Variants in BTBD9 observed in about 807,000 individuals in gnomAD.
BTBD9 encodes BTB/POZ domain-containing protein 9.
Under a neutral mutation model 64.3 loss-of-function variants are expected in BTBD9, and 49 were observed. The observed-to-expected ratio is 0.76, with a 90% CI of 0.61 to 0.97. BTBD9 has a LOEUF of 0.97. BTBD9 is among the 50% of genes least tolerant of loss of function. The pLI is 0.00. For synonymous variants in BTBD9, 260 were observed against 274.7 expected (o/e 0.95, Z 0.53); for missense variants, 598 against 762.1 (o/e 0.78, Z 2.53).
intron 7 of BTBD9, among the ~76,000 whole-genome samples, chr6:38,337,866 T>G (rs935212433): frequency 1.3e-5 from 2 of 152,196 alleles, no homozygotes; most frequent in African/African-American, 2.4e-5. Context: ...TTTTTTGTTC[T>G]GCCAACAGAA....
intron 9 of BTBD9, among the ~76,000 whole-genome samples, chr6:38,222,259 T>TTTG (rs1763226646): frequency 8.4e-6 from 1 of 118,960 alleles, no homozygotes; most frequent in Non-Finnish European, 1.8e-5. Flanking sequence ...ATTCAGTTGT[T>TTTG]TTTTTTTTTT....
chr6:38,314,953 T>C (rs1355648942), intron 7 of BTBD9, among the ~76,000 whole-genome samples: 1 of 152,058 alleles, frequency 6.6e-6, no homozygotes, highest in Non-Finnish European at 1.5e-5. Flanking sequence ...GGGTTCACGC[T>C]ATTCTCCTGC....
intron 9 of BTBD9, among the ~76,000 whole-genome samples, chr6:38,200,930 G>T (rs1382753914): frequency 2.0e-5 from 3 of 152,134 alleles, no homozygotes; most frequent in African/African-American, 4.8e-5. Context: ...TGAGGCAGGA[G>T]AACTGCTTGA....
intron 8 of BTBD9, among the ~76,000 whole-genome samples, chr6:38,274,403 C>T (rs1363824102): frequency 6.6e-6 from 1 of 152,072 alleles, no homozygotes; most frequent in Non-Finnish European, 1.5e-5. Context: ...CTGGCCAGAA[C>T]TTCCAACACT....
chr6:38,569,652 A>C (rs1016775960), intron 6 of BTBD9, among the ~76,000 whole-genome samples: 1 of 152,184 alleles, frequency 6.6e-6, no homozygotes, highest in African/African-American at 2.4e-5. Flanking sequence ...CTGTTTTCTC[A>C]CACAAAAGAA....
intron 6 of BTBD9, among the ~76,000 whole-genome samples, chr6:38,566,559 A>G (rs1775524973): frequency 6.6e-6 from 1 of 152,204 alleles, no homozygotes; most frequent in Non-Finnish European, 1.5e-5. Flanking sequence ...AAAGAAAACA[A>G]TATGTTTATA....
At chr6:38,404,510 A>C (rs983827353) in intron 6 of BTBD9, among the ~76,000 whole-genome samples, 1 of 151,880 alleles carries the variant, frequency 6.6e-6, no homozygotes, top group Non-Finnish European at 1.5e-5. Flanking sequence ...TAGAAGAATC[A>C]CACATTTGAA....
At chr6:38,582,764 C>G (rs1304285370) in intron 4 of BTBD9, among the ~76,000 whole-genome samples, 1 of 152,184 alleles carries the variant, frequency 6.6e-6, no homozygotes, top group Admixed American at 6.5e-5. Flanking sequence ...CTCTCTGAAT[C>G]TGCTTTCTCA....
chr6:38,463,052 TC>T lies in BTBD9; in HGVS notation c.1154+114547del, dbSNP rs1365134359. Among the ~76,000 whole-genome samples the T allele has an allele frequency of 3.3e-5, 5 of 152,332 alleles. No individual in the cohort carries two copies. In the East Asian group the frequency reaches 9.6e-4, roughly 29 times the overall value. ...CTCAAGTGATCTGCCTGCTGCAGCC[TC>T]CCAAAGTGCTGGGATTACAGGCATG... On this transcript the variant is annotated intron_variant, in intron 6 of 10. Coordinates refer to ENST00000481247, the MANE Select transcript of BTBD9 (RefSeq NM_001099272.2).
chr6:38,553,817 C>T (rs1284727286), intron 6 of BTBD9, among the ~76,000 whole-genome samples: 2 of 151,574 alleles, frequency 1.3e-5, no homozygotes, highest in Non-Finnish European at 2.9e-5. Flanking sequence ...CATGCCACTG[C>T]ACTCCAGTCT....
intron 9 of BTBD9, among the ~76,000 whole-genome samples, chr6:38,220,509 C>A (rs1434711740): frequency 6.6e-6 from 1 of 152,184 alleles, no homozygotes; most frequent in Non-Finnish European, 1.5e-5. Context: ...CAACAGGGAT[C>A]TTTTACTCAA....
chr6:38,597,226 AT>A (rs1777073487), intron 2 of BTBD9, among the ~76,000 whole-genome samples: 1 of 152,220 alleles, frequency 6.6e-6, no homozygotes, highest in Non-Finnish European at 1.5e-5. Context: ...ATTTTCTCTA[AT>A]CCAATGGAAT....
chr6:38,422,626 T>C (rs910478688), intron 6 of BTBD9, among the ~76,000 whole-genome samples: 28 of 152,124 alleles, frequency 1.8e-4, no homozygotes, highest in Admixed American at 2.6e-4. Flanking sequence ...AGAACAGGGA[T>C]CTAACATTCT....
chr6:38,578,585 C>T (rs1270504461), intron 5 of BTBD9, among the ~76,000 whole-genome samples: 1 of 152,180 alleles, frequency 6.6e-6, no homozygotes, highest in Non-Finnish European at 1.5e-5. Flanking sequence ...TGTGTCATCC[C>T]CTCACTTTCT....
intron 6 of BTBD9, among the ~76,000 whole-genome samples, chr6:38,439,269 G>T (rs1190168397): frequency 6.8e-6 from 1 of 147,892 alleles, no homozygotes. Context: ...GATTACAGGC[G>T]TGTACCACCA....
chr6:38,176,068 G>A (rs1452079821), intron 10 of BTBD9, among the ~76,000 whole-genome samples: 4 of 152,214 alleles, frequency 2.6e-5, no homozygotes, highest in Admixed American at 6.5e-5. Flanking sequence ...TCAGCGCCCC[G>A]CAAGCAAGGG....
rs1364707842 is a variant in BTBD9, at chr6:38,243,067, CTT to C, written c.1562+13340_1562+13341del. On this transcript the variant is annotated intron_variant, in intron 9 of 10. Coordinates refer to ENST00000481247, the MANE Select transcript of BTBD9 (RefSeq NM_001099272.2). The stretch of plus-strand genomic sequence containing the variant: ...GAAGGGAACACTGAATAGGTGGAGA[CTT>C]GAAGATCAGCCAGAGCAAATAAAAA... Among the ~76,000 whole-genome samples, 5 of 151,340 alleles carry C rather than the reference CTT, an allele frequency of 3.3e-5. No homozygotes were observed. In the East Asian group the frequency reaches 9.6e-4, roughly 29 times the overall value.
intron 1 of BTBD9, among the ~76,000 whole-genome samples, chr6:38,633,602 G>A (rs1778432003): frequency 6.6e-6 from 1 of 152,196 alleles, no homozygotes; most frequent in Non-Finnish European, 1.5e-5. Flanking sequence ...GGAGGTTAAT[G>A]TGGACTTATG....
rs1582481245 is a variant in BTBD9, at chr6:38,469,490, T to C, written c.1154+108110A>G. ...ACATGCCACCACGCCTGGCTAATTT[T>C]TTTGTATTTTTAGTAAAGACGGGAT... On this transcript the variant is annotated intron_variant, in intron 6 of 10. Coordinates refer to ENST00000481247, the MANE Select transcript of BTBD9 (RefSeq NM_001099272.2). Among the ~76,000 whole-genome samples, 4 of 152,154 alleles carry C rather than the reference T, an allele frequency of 2.6e-5. No homozygotes were observed. In the South Asian group the frequency reaches 6.3e-4, roughly 24 times the overall value.
Sources: gnomAD v4.1 joint callset for allele counts (sites outside exome capture counted in the v4.1 genomes callset) on GRCh38, gnomAD v4.1.1 for gene constraint, MANE v1.5 for transcripts, NCBI Gene and HGNC (gene_info 2026-07-23, HGNC 2026-07-21) for gene names.